Variants in ZNF804A observed in about 807,000 individuals in gnomAD.
ZNF804A encodes the protein zinc finger protein 804A.
In ZNF804A, 2 loss-of-function variants were observed where a neutral mutation model predicts 16.5. That is an observed-to-expected ratio of 0.12 (90% CI 0.05 to 0.38). The LOEUF (loss-of-function observed/expected upper bound fraction) is 0.38. ZNF804A is among the 10% of genes least tolerant of loss of function. ZNF804A has a pLI of 0.99. For missense variants in ZNF804A, 1,473 were observed against 1,390.7 expected, an observed-to-expected ratio of 1.06 and a Z score of -0.94; for synonymous variants, 534 against 489.6, an observed-to-expected ratio of 1.09 and a Z score of -1.20.
At chr2:184,714,437 C>T (rs757141551) in intron 1 of ZNF804A, among the ~76,000 whole-genome samples, 18 of 152,032 alleles carry the variant, frequency 1.2e-4, no homozygotes, top group Non-Finnish European at 2.1e-4. Flanking sequence ...TATTCTGTTT[C>T]ATTTTTATGT....
chr2:184,723,634 T>A (rs151325199), intron 1 of ZNF804A, among the ~76,000 whole-genome samples: 1 of 151,780 alleles, frequency 6.6e-6, no homozygotes, highest in Non-Finnish European at 1.5e-5. Context: ...AATGAAAACA[T>A]TTTTTAAGTA....
chr2:184,680,671 T>C (rs1452835537), intron 1 of ZNF804A, among the ~76,000 whole-genome samples: 1 of 152,252 alleles, frequency 6.6e-6, no homozygotes, highest in East Asian at 1.9e-4. Flanking sequence ...GCTCAACCTT[T>C]ACTTGTCCAT....
intron 1 of ZNF804A, among the ~76,000 whole-genome samples, chr2:184,710,463 T>G (rs1182830655): frequency 6.6e-6 from 1 of 151,732 alleles, no homozygotes. Context: ...AAATACCTTA[T>G]AATTTTAATC....
intron 1 of ZNF804A, among the ~76,000 whole-genome samples, chr2:184,788,389 A>T (rs1311551822): frequency 2.0e-5 from 3 of 151,878 alleles, no homozygotes; most frequent in African/African-American, 4.8e-5. Context: ...GATGCTGGCA[A>T]TTTGATAAAA....
intron 1 of ZNF804A, among the ~76,000 whole-genome samples, chr2:184,701,001 A>C (rs1310138930): frequency 1.3e-5 from 2 of 151,994 alleles, no homozygotes; most frequent in Non-Finnish European, 2.9e-5. Flanking sequence ...CTATTTGGAA[A>C]AATAAAATAC....
chr2:184,600,688 G>A (rs1287732317), intron 1 of ZNF804A, among the ~76,000 whole-genome samples: 5 of 152,036 alleles, frequency 3.3e-5, no homozygotes, highest in Non-Finnish European at 7.4e-5. Context: ...AAAATGCATA[G>A]TGGGGTTTAT....
intron 1 of ZNF804A, among the ~76,000 whole-genome samples, chr2:184,627,392 G>T: frequency 6.6e-6 from 1 of 152,014 alleles, no homozygotes; most frequent in South Asian, 2.1e-4. Context: ...TAATTAATTT[G>T]TGCCTGAAAA....
intron 1 of ZNF804A, among the ~76,000 whole-genome samples, chr2:184,738,870 T>C (rs1316977281): frequency 1.3e-5 from 2 of 152,204 alleles, no homozygotes; most frequent in Non-Finnish European, 2.9e-5. Flanking sequence ...TTTGCAGATA[T>C]AAAACACTTC....
intron 1 of ZNF804A, among the ~76,000 whole-genome samples, chr2:184,645,556 A>G (rs1457687752): frequency 3.9e-5 from 6 of 152,226 alleles, no homozygotes; most frequent in Admixed American, 3.9e-4. Flanking sequence ...GTTGATAATA[A>G]AAGTATAACA....
At chr2:184,656,260 A>C (rs1234121496) in intron 1 of ZNF804A, among the ~76,000 whole-genome samples, 2 of 152,096 alleles carry the variant, frequency 1.3e-5, no homozygotes, top group East Asian at 3.9e-4. Flanking sequence ...GAACCTCAAG[A>C]GATAGTCTCT....
At chr2:184,818,065 A>T (rs1695010407) in intron 1 of ZNF804A, among the ~76,000 whole-genome samples, 1 of 151,942 alleles carries the variant, frequency 6.6e-6, no homozygotes, top group South Asian at 2.1e-4. Context: ...GAACCCCAGT[A>T]AGATACAACA....
intron 2 of ZNF804A, among the ~76,000 whole-genome samples, chr2:184,922,735 T>A (rs188891805): frequency 6.6e-6 from 1 of 152,086 alleles, no homozygotes; most frequent in Non-Finnish European, 1.5e-5. Context: ...GTGGGATTTT[T>A]GCATATGGCA....
chr2:184,939,119 T>A lies in ZNF804A; in HGVS notation c.*93T>A. ...TGTGGGTACATGGCTATTTAACTGG[T>A]GGAAATAAACTGGCCGATACATGGC... is the stretch of plus-strand genomic sequence containing the variant. On this transcript the variant is annotated 3_prime_UTR_variant, in exon 4 of 4. Coordinates refer to ENST00000302277, the MANE Select transcript of ZNF804A (RefSeq NM_194250.2). The A allele has an allele frequency of 6.7e-7, 1 of 1,486,074 alleles. No homozygotes were observed. The highest frequency in any genetic ancestry group is 9.1e-7 in the Non-Finnish European group (1 of 1,104,936). 92.1% of individuals were successfully genotyped at this position (1,486,074 alleles called of 1,614,324 possible).
chr2:184,848,048 C>T (rs570481726), intron 1 of ZNF804A, among the ~76,000 whole-genome samples: 33 of 152,022 alleles, frequency 2.2e-4, no homozygotes, highest in Admixed American at 6.6e-4. Context: ...TTAATTATAA[C>T]GTCATTAGCC....
chr2:184,772,942 C>T (rs6751698), intron 1 of ZNF804A, among the ~76,000 whole-genome samples: 1 of 146,328 alleles, frequency 6.8e-6, no homozygotes, highest in Admixed American at 6.8e-5. Context: ...CATATATATA[C>T]ATATACATAT....
intron 2 of ZNF804A, among the ~76,000 whole-genome samples, chr2:184,920,324 C>A (rs184021373): frequency 1.3e-5 from 2 of 152,152 alleles, no homozygotes; most frequent in African/African-American, 4.8e-5. Context: ...TGCTACCATG[C>A]GACTATGAGC....
chr2:184,722,738 A>C (rs1017411258), intron 1 of ZNF804A, among the ~76,000 whole-genome samples: 3 of 151,984 alleles, frequency 2.0e-5, no homozygotes, highest in Non-Finnish European at 4.4e-5. Flanking sequence ...ATTAAGGTGA[A>C]ATGTCATTTA....
In ZNF804A at chr2:184,938,505, C is replaced by G. The variant is rs536818748; in HGVS notation, c.3109C>G (p.Pro1037Ala). ...LALPEQALLIPLENHDKFKNV... is the reference protein window; with the variant it reads ...LALPEQALLIALENHDKFKNV... The stretch of plus-strand genomic sequence containing the variant: ...TTTACCAGAGCAAGCATTATTGATC[C>G]CACTAGAAAACCATGACAAATTCAA... The change falls in exon 4 of 4, where the codon CCA (proline) becomes GCA (alanine). Residue 1037 changes from proline to alanine, a missense_variant. Coordinates refer to ENST00000302277, the MANE Select transcript of ZNF804A (RefSeq NM_194250.2). The G allele has an allele frequency of 6.2e-7, 1 of 1,614,014 alleles. No individual in the cohort carries two copies. The highest frequency in any genetic ancestry group is 1.1e-5 in the South Asian group (1 of 91,076).
chr2:184,720,288 C>A (rs1478523141), intron 1 of ZNF804A, among the ~76,000 whole-genome samples: 1 of 152,114 alleles, frequency 6.6e-6, no homozygotes, highest in African/African-American at 2.4e-5. Context: ...CAAACCATAT[C>A]AACACCCAAC....
Sources: allele counts gnomAD v4.1 joint callset (sites outside exome capture counted in the v4.1 genomes callset), GRCh38; gene constraint gnomAD v4.1.1; transcripts MANE v1.5; gene names NCBI Gene and HGNC (gene_info 2026-07-23, HGNC 2026-07-21).